The following DNAH14 variants were observed in gnomAD, a reference collection of about 807,000 sequenced individuals.
DNAH14 encodes dynein axonemal heavy chain 14.
In DNAH14, 478 loss-of-function variants were observed where a neutral mutation model predicts 520.9. The ratio of observed to expected loss-of-function variants is 0.92; its 90% CI spans 0.85 to 0.99. The LOEUF (loss-of-function observed/expected upper bound fraction) is 0.99. Among genes scored for constraint, DNAH14 ranks in the 50% least tolerant of loss-of-function variants. The pLI is 0.00. For synonymous variants in DNAH14, 1,581 were observed against 1,757.2 expected (o/e 0.90, Z 2.51); for missense variants, 4,831 against 5,234.5 (o/e 0.92, Z 2.38).
At chr1:225,336,549 A>G (rs2095059690) in intron 66 of DNAH14, among the ~76,000 whole-genome samples, 1 of 152,224 alleles carries the variant, frequency 6.6e-6, no homozygotes, top group African/African-American at 2.4e-5. Flanking sequence ...TCTGTAACTC[A>G]GAACAAGCAC....
At chr1:225,068,250 A>G (rs1011060244) in intron 17 of DNAH14, among the ~76,000 whole-genome samples, 4 of 152,088 alleles carry the variant, frequency 2.6e-5, no homozygotes, top group African/African-American at 9.7e-5. Context: ...TGAAGATCTG[A>G]TAGTTGTAGG....
chr1:225,209,960 ATT>A (rs1160141061), intron 41 of DNAH14, among the ~76,000 whole-genome samples: 1 of 152,118 alleles, frequency 6.6e-6, no homozygotes, highest in Non-Finnish European at 1.5e-5. Flanking sequence ...GGAACAGTGC[ATT>A]CTGGCCCAGA....
chr1:225,381,320 C>T lies in DNAH14; in HGVS notation c.12881-63C>T, dbSNP rs1444033007. On this transcript the variant is annotated intron_variant, in intron 80 of 85. Coordinates refer to ENST00000682510, the MANE Select transcript of DNAH14 (RefSeq NM_001367479.1). The stretch of plus-strand genomic sequence containing the variant: ...CCCTTAACTTTCAAAGCCTAAGTCC[C>T]TCCATGTAAAGCCTCTTTTTAATCT... 2.1e-6 allele frequency: 3 copies of T among 1,461,192 alleles called. No individual in the cohort carries two copies. In the African/African-American group the frequency reaches 4.3e-5, roughly 21 times the overall value. 90.5% of individuals were successfully genotyped at this position (1,461,192 alleles called of 1,614,324 possible).
chr1:225,332,353 C>T (rs4653629), intron 65 of DNAH14, among the ~76,000 whole-genome samples: 97,359 of 151,952 alleles, frequency 0.64, 32,001 homozygotes, highest in East Asian at 0.78. Context: ...AGTGTATAGA[C>T]TGAGAGGCAG....
chr1:225,284,575 C>T (rs191285897), intron 54 of DNAH14, among the ~76,000 whole-genome samples: 1 of 152,262 alleles, frequency 6.6e-6, no homozygotes, highest in Admixed American at 6.5e-5. Flanking sequence ...GAAGAATTAA[C>T]ACCATTCCTT....
At chr1:225,305,275 T>A (rs986479988) in intron 58 of DNAH14, among the ~76,000 whole-genome samples, 186 bp downstream of exon 58, 1 of 152,196 alleles carries the variant, frequency 6.6e-6, no homozygotes, top group Admixed American at 6.5e-5. Context: ...GCCGCCCCTG[T>A]CAAGGCAAGG....
chr1:225,374,259 TATATATATA>T (rs2095664802), intron 77 of DNAH14, among the ~76,000 whole-genome samples: 2 of 103,982 alleles, frequency 1.9e-5, no homozygotes, highest in Admixed American at 1.2e-4. Flanking sequence ...TATATATATA[TATATATATA>T]TATTTTTTTT....
chr1:225,300,723 T>G (rs56928873), intron 55 of DNAH14, 146 bp from the exon 56 acceptor site: 4 of 748,826 alleles, frequency 5.3e-6, no homozygotes, highest in East Asian at 2.9e-5. Context: ...AGGTGGGGGG[T>G]GGGGGAGATT....
intron 43 of DNAH14, among the ~76,000 whole-genome samples, 176 bp downstream of exon 43, chr1:225,240,998 C>A (rs2091931173): frequency 6.6e-6 from 1 of 152,076 alleles, no homozygotes; most frequent in Non-Finnish European, 1.5e-5. Flanking sequence ...AAATTACATT[C>A]CTGTTTGGTT....
At chr1:225,198,555 G>A (rs2149384659) in intron 38 of DNAH14, among the ~76,000 whole-genome samples, 1 of 152,258 alleles carries the variant, frequency 6.6e-6, no homozygotes, top group African/African-American at 2.4e-5. Context: ...TAATCATAAA[G>A]CAATGCTGGA....
intron 17 of DNAH14, among the ~76,000 whole-genome samples, chr1:225,060,458 A>T (rs573511256): frequency 6.6e-6 from 1 of 152,000 alleles, no homozygotes; most frequent in South Asian, 2.1e-4. Context: ...CATTGGTTCG[A>T]CCTTCCTCCT....
rs2094970313 is a variant in DNAH14 at position 225,335,638 on chromosome 1, CAT to C, written c.10081-1623_10081-1622del. Among the ~76,000 whole-genome samples, 2 of 114,322 alleles carry C rather than the reference CAT, an allele frequency of 1.7e-5. 1 individual carries two copies. Among genetic ancestry groups the C allele is most frequent in the Non-Finnish European group, 3.6e-5 (2 of 55,942 alleles). 75.0% of individuals were successfully genotyped at this position (114,322 alleles called of 152,430 possible). ...GTATATACGCATATATACATATGTGCATATATGTATATACGCATATATACATA... is the reference window on the plus strand; with the variant it reads ...GTATATACGCATATATACATATGTGCATATGTATATACGCATATATACATA... On this transcript the variant is annotated intron_variant, in intron 66 of 85. Coordinates refer to ENST00000682510, the MANE Select transcript of DNAH14 (RefSeq NM_001367479.1).
intron 1 of DNAH14, among the ~76,000 whole-genome samples, chr1:224,938,940 A>G (rs1571885778): frequency 6.6e-6 from 1 of 152,356 alleles, no homozygotes; most frequent in East Asian, 1.9e-4. Flanking sequence ...ACAGAAAGAC[A>G]GATATCACAT....
chr1:225,198,689 C>T (rs1180327209), intron 38 of DNAH14, among the ~76,000 whole-genome samples: 1 of 152,112 alleles, frequency 6.6e-6, no homozygotes, highest in Non-Finnish European at 1.5e-5. Flanking sequence ...ATCCCTGAAA[C>T]CCACTGATCA....
intron 23 of DNAH14, among the ~76,000 whole-genome samples, chr1:225,108,004 C>T (rs1170460545): frequency 6.6e-6 from 1 of 152,074 alleles, no homozygotes; most frequent in East Asian, 1.9e-4. Context: ...GAGGTTGTTG[C>T]CGAAGGAGAT....
At chr1:225,016,813 G>T in intron 10 of DNAH14, among the ~76,000 whole-genome samples, 3 of 148,892 alleles carry the variant, frequency 2.0e-5, no homozygotes, top group Non-Finnish European at 3.0e-5. Flanking sequence ...TCTTCTGCTT[G>T]GTCTAGTCTG....
intron 55 of DNAH14, among the ~76,000 whole-genome samples, chr1:225,291,504 C>T (rs12403027): frequency 0.13 from 20,122 of 152,010 alleles, 1,526 homozygotes; most frequent in East Asian, 0.33. Context: ...GAAGCCCCGA[C>T]CTCCGAGGCT....
chr1:225,304,978 A>G lies in DNAH14; in HGVS notation c.8894A>G (p.Tyr2965Cys), dbSNP rs1181265046. ...HKSMKDLNRK[Y>C]FEETGRFYYT... ...AGCATGAAAGACTTGAACAGAAAAT[A>G]CTTTGAAGAAACTGGAAGATTTTAT... The change falls in exon 58 of 86, where the codon TAC becomes TGC. Residue 2965 changes from tyrosine (Y) to cysteine (C), a missense_variant. Tyr to Cys is a radical substitution (Grantham distance 194). Transcript: ENST00000682510. 6.5e-7 allele frequency: 1 copy of G among 1,546,118 alleles called. No homozygotes were observed. The highest frequency in any genetic ancestry group is 8.7e-7 in the Non-Finnish European group (1 of 1,145,836).
At position 225,240,641 on chromosome 1, in the gene DNAH14, A is replaced by G; in HGVS notation, c.6567A>G (p.Lys2189=). 6.4e-7 allele frequency: 1 copy of G among 1,550,714 alleles called. No individual in the cohort carries two copies. Among genetic ancestry groups the G allele is most frequent in the Non-Finnish European group, 8.7e-7 (1 of 1,146,378 alleles). The part of the protein sequence containing the change: ...YPEKNPDKLT[K]IIQKLFVFAF... ...AGAAAAATCCTGATAAATTAACAAA[A>G]ATTATTCAAAAGCTTTTTGTGTTTG... The change falls in exon 43 of 86, where the codon AAA becomes AAG. Residue 2189 remains lysine (K), a synonymous_variant. Coordinates refer to ENST00000682510, the MANE Select transcript of DNAH14 (RefSeq NM_001367479.1).
Sources: allele counts gnomAD v4.1 joint callset (sites outside exome capture counted in the v4.1 genomes callset), GRCh38; gene constraint gnomAD v4.1.1; transcripts MANE v1.5; gene names NCBI Gene and HGNC (gene_info 2026-07-23, HGNC 2026-07-21).